EDIL3: variants seen among roughly 807,000 people sequenced by gnomAD.
The protein encoded by EDIL3 is EGF-like repeat and discoidin I-like domain-containing protein 3.
In EDIL3, 37 loss-of-function variants were observed where a neutral mutation model predicts 67.4. The ratio of observed to expected loss-of-function variants is 0.55; its 90% confidence interval spans 0.42 to 0.72. The LOEUF (loss-of-function observed/expected upper bound fraction) is 0.72, where lower values mean the gene tolerates loss of function less well. Ranked by LOEUF, EDIL3 falls within the 30% of genes least tolerant of loss-of-function variation. The probability of loss-of-function intolerance (pLI) is 0.00; values close to 1 mark genes in which losing one functional copy is unlikely to be tolerated. For synonymous variants in EDIL3, 195 were observed against 196.3 expected (o/e 0.99, Z 0.05); for missense variants, 527 against 586.3 (o/e 0.90, Z 1.04).
intron 4 of EDIL3, among the ~76,000 whole-genome samples, chr5:84,151,451 T>TTATGG (rs1748389191): frequency 6.6e-6 from 1 of 152,180 alleles, no homozygotes; most frequent in Non-Finnish European, 1.5e-5. Context: ...TGGGAGAGAC[T>TTATGG]GAGTAGTTTA....
At chr5:84,118,705 T>G (rs1415173383) in intron 5 of EDIL3, among the ~76,000 whole-genome samples, 1 of 152,152 alleles carries the variant, frequency 6.6e-6, no homozygotes, top group East Asian at 1.9e-4. Context: ...ACCCCACTAC[T>G]TAACAGCTGT....
At chr5:84,219,135 C>A (rs574489468) in intron 3 of EDIL3, among the ~76,000 whole-genome samples, 2 of 152,266 alleles carry the variant, frequency 1.3e-5, no homozygotes, top group Admixed American at 6.5e-5. Flanking sequence ...CCCCCTCCCC[C>A]AGCTCCAGGC....
At chr5:84,208,771 T>C (rs1056754946) in intron 3 of EDIL3, among the ~76,000 whole-genome samples, 3 of 151,018 alleles carry the variant, frequency 2.0e-5, no homozygotes, top group African/African-American at 4.9e-5. Context: ...TTTTACACTG[T>C]TGGTGGGACT....
At position 83,963,328 on chromosome 5, in the gene EDIL3, GC is replaced by G; in HGVS notation, c.1169del (p.Gly390AlafsTer67). On this transcript the variant is annotated frameshift_variant, in exon 10 of 11. Coordinates refer to ENST00000296591, the MANE Select transcript of EDIL3 (RefSeq NM_005711.5). LOFTEE classifies it high-confidence loss of function. The part of the protein sequence containing the change: ...VDLLVPTKVT[G>X]IITQGAKDFG... ...AATCTTTAGCTCCTTGTGTAATGAT[GC>G]CAGTCACTTTGGTTGGAACAAGAAG... 1.2e-6 allele frequency: 2 copies of G among 1,608,230 alleles called. No individual in the cohort carries two copies. Among genetic ancestry groups the G allele is most frequent in the Non-Finnish European group, 8.5e-7 (1 of 1,177,006 alleles).
intron 6 of EDIL3, among the ~76,000 whole-genome samples, chr5:84,082,409 G>A (rs998986240): frequency 3.9e-5 from 6 of 152,176 alleles, no homozygotes; most frequent in South Asian, 2.1e-4. Flanking sequence ...ATACACTCTA[G>A]TGTAAAGGGC....
chr5:84,180,346 C>A, intron 4 of EDIL3, 47 bp downstream of exon 4: 1 of 1,529,398 alleles, frequency 6.5e-7, no homozygotes, highest in African/African-American at 1.4e-5. Context: ...GGCTTGTATA[C>A]TTTGTAATCA....
At chr5:84,147,600 T>G (rs947117518) in intron 4 of EDIL3, among the ~76,000 whole-genome samples, 1 of 151,856 alleles carries the variant, frequency 6.6e-6, no homozygotes, top group Non-Finnish European at 1.5e-5. Flanking sequence ...AAGTGGAGAG[T>G]GGAAAGGCTT....
chr5:84,097,221 A>G (rs1747280660), intron 6 of EDIL3, among the ~76,000 whole-genome samples: 1 of 152,204 alleles, frequency 6.6e-6, no homozygotes. Flanking sequence ...GATCATAGCC[A>G]CATTTCTAAA....
At chr5:84,211,038 G>C (rs1744107492) in intron 3 of EDIL3, among the ~76,000 whole-genome samples, 1 of 152,140 alleles carries the variant, frequency 6.6e-6, no homozygotes, top group African/African-American at 2.4e-5. Flanking sequence ...CAAATCCCTG[G>C]AACCTGTGAA....
At chr5:84,028,654 CT>C (rs1386994964) in intron 9 of EDIL3, among the ~76,000 whole-genome samples, 2 of 152,068 alleles carry the variant, frequency 1.3e-5, no homozygotes, top group African/African-American at 4.8e-5. Context: ...CCAAAGTTTT[CT>C]GATAATCTAA....
intron 5 of EDIL3, among the ~76,000 whole-genome samples, chr5:84,124,379 G>T (rs144563883): frequency 2.0e-5 from 3 of 151,848 alleles, no homozygotes; most frequent in Non-Finnish European, 4.4e-5. Context: ...AATTAATTTT[G>T]TGGTTCCCAA....
intron 5 of EDIL3, among the ~76,000 whole-genome samples, chr5:84,134,766 T>G (rs1748058468): frequency 6.6e-6 from 1 of 152,018 alleles, no homozygotes; most frequent in African/African-American, 2.4e-5. Context: ...AGGAAAATAT[T>G]TTAGGGAACT....
chr5:84,005,160 A>G (rs1745390724), intron 9 of EDIL3, among the ~76,000 whole-genome samples: 1 of 152,154 alleles, frequency 6.6e-6, no homozygotes, highest in South Asian at 2.1e-4. Flanking sequence ...ACAGATCAAT[A>G]ATGAGTTTTG....
intron 9 of EDIL3, among the ~76,000 whole-genome samples, chr5:83,971,442 T>C (rs570523648): frequency 1.3e-5 from 2 of 151,946 alleles, no homozygotes; most frequent in East Asian, 3.9e-4. Flanking sequence ...GGTTAACCTT[T>C]TATTTTTTGC....
chr5:84,345,549 C>T (rs78451164), intron 1 of EDIL3, among the ~76,000 whole-genome samples: 2,797 of 152,170 alleles, frequency 0.018, 95 homozygotes, highest in African/African-American at 0.063. Flanking sequence ...AGCTCTCCTC[C>T]AGATGATTTA....
At chr5:84,243,209 A>C (rs1469474224) in intron 2 of EDIL3, among the ~76,000 whole-genome samples, 1 of 151,908 alleles carries the variant, frequency 6.6e-6, no homozygotes, top group African/African-American at 2.4e-5. Flanking sequence ...ATCTGCCCAC[A>C]CACTTCAGTG....
chr5:84,110,141 A>G (rs1747533437), intron 5 of EDIL3, among the ~76,000 whole-genome samples: 2 of 152,178 alleles, frequency 1.3e-5, no homozygotes, highest in Non-Finnish European at 1.5e-5. Context: ...ATAAATATGC[A>G]CTGAACGTTG....
At chr5:84,345,068 T>C (rs1389001300) in intron 1 of EDIL3, among the ~76,000 whole-genome samples, 1 of 152,290 alleles carries the variant, frequency 6.6e-6, no homozygotes, top group Non-Finnish European at 1.5e-5. Flanking sequence ...TCTTTTCCCA[T>C]GGCTCATTTT....
At chr5:84,349,611 TC>T (rs1200839835) in intron 1 of EDIL3, among the ~76,000 whole-genome samples, 1 of 152,124 alleles carries the variant, frequency 6.6e-6, no homozygotes, top group African/African-American at 2.4e-5. Context: ...TTCACATATC[TC>T]CAGTCATCTT....
Sources: allele counts gnomAD v4.1 joint callset (sites outside exome capture counted in the v4.1 genomes callset), GRCh38; gene constraint gnomAD v4.1.1; transcripts MANE v1.5; gene names NCBI Gene and HGNC (gene_info 2026-07-23, HGNC 2026-07-21).